NRCAM: variants seen among roughly 807,000 people sequenced by gnomAD.
The protein encoded by NRCAM is neuronal cell adhesion molecule, also known as NgCAM-related cell adhesion molecule.
NRCAM carries 83 observed loss-of-function variants against 156.5 expected under a neutral mutation model. The observed-to-expected ratio is 0.53, with a 90% CI of 0.44 to 0.64. The LOEUF (loss-of-function observed/expected upper bound fraction) is 0.64, where lower values mean the gene tolerates loss of function less well. Ranked by LOEUF, NRCAM falls within the 30% of genes least tolerant of loss-of-function variation. The pLI is 0.00. For missense variants in NRCAM, 1,417 were observed against 1,597.3 expected (o/e 0.89, Z 1.92); for synonymous variants, 538 against 563.9 (o/e 0.95, Z 0.65).
At chr7:108,183,781 C>T (rs1046543828) in intron 22 of NRCAM, among the ~76,000 whole-genome samples, 2 of 152,026 alleles carry the variant, frequency 1.3e-5, no homozygotes, top group Non-Finnish European at 2.9e-5. Flanking sequence ...ATGATCTGCC[C>T]GCCTCGGCCT....
In NRCAM at chr7:108,264,526, A is replaced by C. The variant is rs139280805; in HGVS notation, c.-106-24356T>G. ...CTTTCCTTAAAATGAGCACTCTAAA[A>C]ATGGTCCAACAAACTGGAATTTCAG... On this transcript the variant is annotated intron_variant, in intron 3 of 32. Transcript: ENST00000379028. Among the ~76,000 whole-genome samples the C allele has an allele frequency of 1.1e-3, 165 of 152,296 alleles. 2 individuals carry two copies. The Middle Eastern group carries it at 0.014, about 13-fold the overall frequency.
At chr7:108,202,165 C>T (rs1158127710) in intron 13 of NRCAM, among the ~76,000 whole-genome samples, 1 of 152,078 alleles carries the variant, frequency 6.6e-6, no homozygotes, top group African/African-American at 2.4e-5. Context: ...AGCACAGAAT[C>T]CCTACAAATA....
At chr7:108,455,249 C>G (rs2154508007) in intron 1 of NRCAM, among the ~76,000 whole-genome samples, 1 of 152,274 alleles carries the variant, frequency 6.6e-6, no homozygotes, top group East Asian at 1.9e-4. Context: ...AGTAGCTGAG[C>G]TGGCCAACCG....
At chr7:108,205,503 T>G (rs2080634919) in intron 13 of NRCAM, among the ~76,000 whole-genome samples, 1 of 152,188 alleles carries the variant, frequency 6.6e-6, no homozygotes, top group Non-Finnish European at 1.5e-5. Flanking sequence ...TGCATAGTAT[T>G]GCACTCTGGC....
chr7:108,328,463 T>G (rs987082470), intron 2 of NRCAM: 2 of 152,206 alleles, frequency 1.3e-5, no homozygotes, highest in African/African-American at 4.8e-5. Flanking sequence ...TTCCTCCCAG[T>G]AGCAAAGGGA....
intron 1 of NRCAM, among the ~76,000 whole-genome samples, chr7:108,455,343 G>A (rs1052745799): frequency 5.3e-5 from 8 of 152,188 alleles, no homozygotes; most frequent in African/African-American, 1.9e-4. Context: ...CGCTCGCTGC[G>A]AGATGGATGC....
chr7:108,234,917 T>C, intron 5 of NRCAM: 1 of 671,002 alleles, frequency 1.5e-6, no homozygotes, highest in South Asian at 1.5e-5. Context: ...ACTTGCAAAG[T>C]CCATTTTCTC....
chr7:108,387,240 T>G (rs2154368327), intron 2 of NRCAM, among the ~76,000 whole-genome samples: 1 of 152,302 alleles, frequency 6.6e-6, no homozygotes, highest in South Asian at 2.1e-4. Context: ...CCTGTCCAAT[T>G]TCTCCACATA....
chr7:108,235,652 C>A (rs1306706539), intron 5 of NRCAM, among the ~76,000 whole-genome samples: 2 of 152,142 alleles, frequency 1.3e-5, no homozygotes, highest in Non-Finnish European at 2.9e-5. Context: ...TGGTTCTCTA[C>A]CAGAGGCAAT....
chr7:108,378,868 G>C (rs965738422), intron 2 of NRCAM, among the ~76,000 whole-genome samples: 1 of 151,670 alleles, frequency 6.6e-6, no homozygotes, highest in Admixed American at 6.6e-5. Context: ...GAAAGACAAA[G>C]GAGAGAAAAA....
At chr7:108,213,522 A>T (rs1490874072) in intron 11 of NRCAM, among the ~76,000 whole-genome samples, 1 of 152,106 alleles carries the variant, frequency 6.6e-6, no homozygotes, top group East Asian at 1.9e-4. Flanking sequence ...CCTTCAGGAG[A>T]CTCACCTAAC....
intron 2 of NRCAM, among the ~76,000 whole-genome samples, chr7:108,375,478 T>C (rs183270274): frequency 6.6e-6 from 1 of 152,212 alleles, no homozygotes; most frequent in Admixed American, 6.6e-5. Context: ...GTTTGACCTT[T>C]AAGAATTTAA....
chr7:108,336,636 G>A (rs546057518), intron 2 of NRCAM, among the ~76,000 whole-genome samples: 1 of 152,098 alleles, frequency 6.6e-6, no homozygotes, highest in African/African-American at 2.4e-5. Flanking sequence ...TTTTATCTGA[G>A]GAAACCCAAC....
At chr7:108,309,999 A>G (rs1319307547) in intron 3 of NRCAM, among the ~76,000 whole-genome samples, 1 of 152,234 alleles carries the variant, frequency 6.6e-6, no homozygotes, top group African/African-American at 2.4e-5. Flanking sequence ...ACTATTATCT[A>G]TTCAGGATGT....
intron 3 of NRCAM, among the ~76,000 whole-genome samples, chr7:108,304,051 G>A (rs1162099995): frequency 1.3e-5 from 2 of 152,068 alleles, no homozygotes; most frequent in Non-Finnish European, 2.9e-5. Context: ...ATGAAGAAAG[G>A]AGGGAAGAAG....
intron 2 of NRCAM, among the ~76,000 whole-genome samples, chr7:108,366,180 T>A (rs1195621942): frequency 6.6e-6 from 1 of 152,184 alleles, no homozygotes; most frequent in Non-Finnish European, 1.5e-5. Flanking sequence ...CCCCCGGAAC[T>A]ATGAGAAATA....
intron 3 of NRCAM, among the ~76,000 whole-genome samples, chr7:108,278,764 C>T (rs1201435157): frequency 6.6e-6 from 1 of 152,254 alleles, no homozygotes; most frequent in Non-Finnish European, 1.5e-5. Context: ...TGGGCTGCAC[C>T]CACTGTCCAA....
At chr7:108,344,941 G>T (rs537203011) in intron 2 of NRCAM, among the ~76,000 whole-genome samples, 1 of 152,160 alleles carries the variant, frequency 6.6e-6, no homozygotes, top group East Asian at 1.9e-4. Context: ...AGGATAAGGG[G>T]GAGGGAGAAG....
At chr7:108,370,393 A>G (rs903993513) in intron 2 of NRCAM, among the ~76,000 whole-genome samples, 1 of 152,268 alleles carries the variant, frequency 6.6e-6, no homozygotes, top group East Asian at 1.9e-4. Context: ...CAGGCAACAT[A>G]GAATGTTTTC....
Sources: gnomAD v4.1 joint callset for allele counts (sites outside exome capture counted in the v4.1 genomes callset) on GRCh38, gnomAD v4.1.1 for gene constraint, MANE v1.5 for transcripts, NCBI Gene and HGNC (gene_info 2026-07-23, HGNC 2026-07-21) for gene names.